The following DGKI variants were observed in gnomAD, a reference collection of about 807,000 sequenced individuals.
The protein encoded by DGKI is DAG kinase iota.
DGKI carries 55 observed loss-of-function variants against 147.5 expected under a neutral mutation model. The ratio of observed to expected loss-of-function variants is 0.37; its 90% CI spans 0.30 to 0.47. DGKI has a LOEUF of 0.47. DGKI is among the 20% of genes least tolerant of loss of function. The probability of loss-of-function intolerance (pLI) is 1.00; values close to 1 mark genes in which losing one functional copy is unlikely to be tolerated. For missense variants in DGKI, 1,007 were observed against 1,323.8 expected, an observed-to-expected ratio of 0.76 and a Z score of 3.71; for synonymous variants, 469 against 477.1, an observed-to-expected ratio of 0.98 and a Z score of 0.22.
intron 1 of DGKI, among the ~76,000 whole-genome samples, chr7:137,803,531 C>G (rs938139996): frequency 1.3e-5 from 2 of 152,064 alleles, no homozygotes; most frequent in African/African-American, 4.8e-5. Flanking sequence ...CTTTTTGATG[C>G]TATTTTTCTT....
intron 1 of DGKI, among the ~76,000 whole-genome samples, chr7:137,772,923 G>A (rs1171762689): frequency 2.6e-5 from 4 of 152,220 alleles, no homozygotes; most frequent in South Asian, 2.1e-4. Context: ...ACTAGACAAT[G>A]GGGGTGGAGA....
At chr7:137,768,177 C>T (rs1281006695) in intron 1 of DGKI, among the ~76,000 whole-genome samples, 3 of 152,130 alleles carry the variant, frequency 2.0e-5, no homozygotes, top group African/African-American at 4.8e-5. Context: ...GGTATTAGGT[C>T]GGTACCTAAT....
At position 137,617,366 on chromosome 7, in the gene DGKI, G is replaced by T. The variant is rs142867723; in HGVS notation, c.993+2458C>A. Reference sequence around the variant, plus strand: ...ATACTAAGGGAAGCTTAAGAACTACGTCAACAAAAGGCAGTTGTGAACTTT... The same window carrying T: ...ATACTAAGGGAAGCTTAAGAACTACTTCAACAAAAGGCAGTTGTGAACTTT... On this transcript the variant is annotated intron_variant, in intron 8 of 32. Coordinates refer to ENST00000614521, the MANE Select transcript of DGKI (RefSeq NM_001321708.2). 3.9e-5 allele frequency among the ~76,000 whole-genome samples: 6 copies of T among 152,058 alleles called. No homozygotes were observed. The South Asian group carries it at 1.2e-3, about 32-fold the overall frequency.
At chr7:137,611,722 A>G (rs1332844782) in intron 8 of DGKI, among the ~76,000 whole-genome samples, 2 of 152,206 alleles carry the variant, frequency 1.3e-5, no homozygotes, top group Admixed American at 1.3e-4. Flanking sequence ...AGTAAATGTT[A>G]GCTCATTCTA....
chr7:137,498,182 T>C (rs1485719444), intron 21 of DGKI, among the ~76,000 whole-genome samples: 1 of 151,422 alleles, frequency 6.6e-6, no homozygotes, highest in Admixed American at 6.6e-5. Flanking sequence ...ATAAAATAAA[T>C]AGAGACCTCA....
intron 23 of DGKI, among the ~76,000 whole-genome samples, chr7:137,475,605 G>C (rs1218867204): frequency 6.6e-6 from 1 of 152,116 alleles, no homozygotes; most frequent in Non-Finnish European, 1.5e-5. Context: ...CCTTTTTAAT[G>C]TGTATTTATT....
chr7:137,811,662 A>G (rs1797587795), intron 1 of DGKI, among the ~76,000 whole-genome samples: 1 of 152,204 alleles, frequency 6.6e-6, no homozygotes, highest in South Asian at 2.1e-4. Context: ...CATCATGTAC[A>G]CCCAATTAGG....
intron 1 of DGKI, among the ~76,000 whole-genome samples, chr7:137,810,515 C>T (rs1451557844): frequency 1.3e-5 from 2 of 152,200 alleles, no homozygotes; most frequent in African/African-American, 2.4e-5. Context: ...CAAGGCCACA[C>T]CTTGACTGCT....
rs569289299 is a variant in DGKI, at chr7:137,500,083, G to C, written c.2249-12394C>G. Reference sequence around the variant, plus strand: ...GGCAGCCAGAGCAGACTAAAACAACGAGGAAGCTTTGACAAATTCAGGTAA... The same window carrying C: ...GGCAGCCAGAGCAGACTAAAACAACCAGGAAGCTTTGACAAATTCAGGTAA... On this transcript the variant is annotated intron_variant, in intron 21 of 32. Coordinates refer to ENST00000614521, the MANE Select transcript of DGKI (RefSeq NM_001321708.2). Among the ~76,000 whole-genome samples, 4 of 152,256 alleles carry C rather than the reference G, an allele frequency of 2.6e-5. No homozygotes were observed. In the South Asian group the frequency reaches 8.3e-4, roughly 32 times the overall value.
intron 19 of DGKI, among the ~76,000 whole-genome samples, chr7:137,569,385 G>A (rs1318223216): frequency 6.6e-6 from 1 of 152,026 alleles, no homozygotes; most frequent in Admixed American, 6.6e-5. Context: ...CGTATGGACA[G>A]TTTAGAGAGT....
At chr7:137,560,416 T>C (rs1470441773) in intron 19 of DGKI, among the ~76,000 whole-genome samples, 1 of 152,020 alleles carries the variant, frequency 6.6e-6, no homozygotes, top group Non-Finnish European at 1.5e-5. Flanking sequence ...TCCTAGTTCG[T>C]TGGGGAAAAA....
intron 3 of DGKI, among the ~76,000 whole-genome samples, chr7:137,669,675 T>C (rs1159814383): frequency 6.6e-6 from 1 of 152,184 alleles, no homozygotes; most frequent in East Asian, 1.9e-4. Flanking sequence ...ACTCTAAGAA[T>C]AAAATAAGAC....
intron 10 of DGKI, among the ~76,000 whole-genome samples, chr7:137,601,199 A>C (rs1819977154): frequency 6.6e-6 from 1 of 151,958 alleles, no homozygotes; most frequent in African/African-American, 2.4e-5. Flanking sequence ...TGAACCCAGG[A>C]GGCGGAGCTT....
At chr7:137,534,307 T>C (rs1159892277) in intron 20 of DGKI, among the ~76,000 whole-genome samples, 1 of 152,092 alleles carries the variant, frequency 6.6e-6, no homozygotes, top group Non-Finnish European at 1.5e-5. Context: ...ACATTGCAGT[T>C]ATAATGGTCG....
intron 1 of DGKI, among the ~76,000 whole-genome samples, chr7:137,737,293 A>T (rs1447254013): frequency 3.3e-5 from 5 of 152,010 alleles, no homozygotes; most frequent in African/African-American, 1.2e-4. Context: ...CTTGATTTAC[A>T]AGAAATACTC....
chr7:137,567,258 C>A (rs1312292152), intron 19 of DGKI, among the ~76,000 whole-genome samples: 1 of 140,606 alleles, frequency 7.1e-6, no homozygotes, highest in Non-Finnish European at 1.5e-5. Flanking sequence ...GAGCAAAACT[C>A]CATCTCAAAA....
chr7:137,663,580 T>C (rs752936369), intron 3 of DGKI, among the ~76,000 whole-genome samples: 41 of 152,252 alleles, frequency 2.7e-4, no homozygotes, highest in African/African-American at 4.8e-4. Context: ...CAGGAGTCAC[T>C]GGGCTCAGGG....
chr7:137,497,973 G>A (rs2128940936), intron 21 of DGKI, among the ~76,000 whole-genome samples: 1 of 152,034 alleles, frequency 6.6e-6, no homozygotes, highest in South Asian at 2.1e-4. Flanking sequence ...TTTAAAAATA[G>A]AAAATGAACT....
intron 32 of DGKI, among the ~76,000 whole-genome samples, chr7:137,394,663 A>T (rs1811483760): frequency 6.6e-6 from 1 of 152,300 alleles, no homozygotes; most frequent in Admixed American, 6.5e-5. Context: ...GTCACAGTAC[A>T]ATATCTGGCC....
Sources: gnomAD v4.1 joint callset for allele counts (sites outside exome capture counted in the v4.1 genomes callset) on GRCh38, gnomAD v4.1.1 for gene constraint, MANE v1.5 for transcripts, NCBI Gene and HGNC (gene_info 2026-07-23, HGNC 2026-07-21) for gene names.